CRACR2A: variants seen among roughly 807,000 people sequenced by gnomAD.
CRACR2A encodes the protein calcium release activated channel regulator 2A, also known as EF-hand calcium-binding domain-containing protein 4B.
A neutral mutation model predicts 90.5 loss-of-function variants in CRACR2A; 79 were observed. The ratio of observed to expected loss-of-function variants is 0.87; its 90% CI spans 0.73 to 1.05. CRACR2A has a LOEUF of 1.05. Ranked by LOEUF, CRACR2A falls within the 50% of genes least tolerant of loss-of-function variation. The pLI is 0.00. For synonymous variants in CRACR2A, 338 were observed against 356.7 expected (o/e 0.95, Z 0.59); for missense variants, 823 against 897.2 (o/e 0.92, Z 1.06).
At chr12:3,724,223 C>A (rs541303425) in intron 2 of CRACR2A, among the ~76,000 whole-genome samples, 1 of 152,184 alleles carries the variant, frequency 6.6e-6, no homozygotes, top group South Asian at 2.1e-4. Flanking sequence ...TTGGCCCTTT[C>A]TGAGTTCACT....
rs1867698044 is a variant in CRACR2A at position 3,616,996 on chromosome 12, T to G, written c.2069A>C (p.Tyr690Ser). The G allele has an allele frequency of 1.9e-5, 29 of 1,551,462 alleles. No homozygotes were observed. In the East Asian group the frequency reaches 6.8e-4, roughly 37 times the overall value. Residue 690 changes from tyrosine (Y) to serine (S), a missense_variant, in exon 19 of 20, where the codon TAC (tyrosine) becomes TCC (serine). By Grantham distance (144) the Tyr-to-Ser change is moderately radical (BLOSUM62 -2). Transcript: ENST00000440314. ...NNLIFYECSA[Y>S]SGHNTKESLL... ...GGACTCTTTGGTGTTGTGACCAGAG[T>G]AGGCGCTGCATTCATAGAAGATCAG...
At chr12:3,701,964 T>C (rs1945841615) in intron 3 of CRACR2A, among the ~76,000 whole-genome samples, 1 of 152,154 alleles carries the variant, frequency 6.6e-6, no homozygotes, top group Non-Finnish European at 1.5e-5. Context: ...AAGATGATAA[T>C]CCTGACCAAC....
rs1946633454 is a variant in CRACR2A at position 3,746,737 on chromosome 12, G to C, written c.-387+6278C>G. Among the ~76,000 whole-genome samples, 1 of 152,222 alleles carries C rather than the reference G, an allele frequency of 6.6e-6. No homozygotes were observed. Among genetic ancestry groups the C allele is most frequent in the African/African-American group, 2.4e-5 (1 of 41,454 alleles). On this transcript the variant is annotated intron_variant, in intron 1 of 19. Coordinates refer to ENST00000440314, the MANE Select transcript of CRACR2A (RefSeq NM_001144958.2). This position sits in a 1 kb window ranked among gnomAD's most constrained non-coding sequence, Gnocchi z 4.4. The stretch of plus-strand genomic sequence containing the variant: ...CTTAGCATGCATGGAAGCTAATTAG[G>C]TGAGAGACTCTGCTTCTGCCTCCTG...
At chr12:3,727,573 C>A (rs192064722) in intron 2 of CRACR2A, 17 of 152,240 alleles carry the variant, frequency 1.1e-4, no homozygotes, top group Admixed American at 1.1e-3. Flanking sequence ...CTGATCTAGA[C>A]AGAATGCATG....
rs1184112362 is a variant in CRACR2A at position 3,641,790 on chromosome 12, T to C, written c.1213A>G (p.Lys405Glu). 1 of 1,551,740 alleles carries C rather than the reference T, an allele frequency of 6.4e-7. No individual in the cohort carries two copies. The highest frequency in any genetic ancestry group is 8.7e-7 in the Non-Finnish European group (1 of 1,146,982). Reference protein sequence around the residue: ...ANTAASRASWKKRSGSVIGKY... With the variant: ...ANTAASRASWEKRSGSVIGKY... ...CCTATCACAGAGCCAGATCTCTTTT[T>C]CCAACTTGCCCTGGAAGCAGCTGTG... The change falls in exon 13 of 20, where the codon AAA becomes GAA. Residue 405 changes from lysine (K) to glutamate (E), a missense_variant. By Grantham distance (56) the Lys-to-Glu change is moderately conservative. Coordinates refer to ENST00000440314, the MANE Select transcript of CRACR2A (RefSeq NM_001144958.2).
intron 4 of CRACR2A, 99 bp from the exon 5 acceptor site, chr12:3,680,448 C>A: frequency 1.7e-5 from 16 of 939,382 alleles, no homozygotes; most frequent in Non-Finnish European, 2.5e-5. Flanking sequence ...GTCTAGAGTT[C>A]GGCCCAGTCC....
intron 6 of CRACR2A, among the ~76,000 whole-genome samples, chr12:3,674,440 G>GA (rs1164315330): frequency 1.3e-5 from 2 of 152,204 alleles, no homozygotes; most frequent in East Asian, 1.9e-4. Context: ...ACACATGGTG[G>GA]ACCCTGTTCT....
At chr12:3,701,802 T>C (rs564425712) in intron 3 of CRACR2A, among the ~76,000 whole-genome samples, 8 of 152,220 alleles carry the variant, frequency 5.3e-5, no homozygotes, top group South Asian at 2.1e-4. Context: ...GACTAGGAAA[T>C]ACTTCCTAAC....
intron 4 of CRACR2A, among the ~76,000 whole-genome samples, chr12:3,687,856 A>AT (rs1304403448): frequency 1.3e-5 from 2 of 152,100 alleles, no homozygotes; most frequent in Admixed American, 6.6e-5. Context: ...AGCACCTGTT[A>AT]TTTTTTGGCT....
chr12:3,722,843 T>C (rs910795481), intron 2 of CRACR2A, among the ~76,000 whole-genome samples: 3 of 152,210 alleles, frequency 2.0e-5, no homozygotes, highest in Non-Finnish European at 2.9e-5. Context: ...TCAATTTCCC[T>C]AGCCTAAACA....
rs950815991 is a variant in CRACR2A, at chr12:3,740,452, G to A, written c.-386-7242C>T. Among the ~76,000 whole-genome samples, 6 of 152,032 alleles carry A rather than the reference G, an allele frequency of 3.9e-5. No homozygotes were observed. In the East Asian group the frequency reaches 7.7e-4, roughly 20 times the overall value. On this transcript the variant is annotated intron_variant, in intron 1 of 19. Transcript: ENST00000440314. ...ACGTCCTGGGGTGGCGTCCTTACTC[G>A]GCATTTGCAACTTACATGTCCTTGG...
At chr12:3,636,010 A>G (rs532652386) in intron 14 of CRACR2A, among the ~76,000 whole-genome samples, 41 of 152,360 alleles carry the variant, frequency 2.7e-4, no homozygotes, top group Admixed American at 6.5e-4. Context: ...TACTTTTAAC[A>G]GCCGTATAAT....
At chr12:3,673,411 T>C (rs1445201058) in intron 7 of CRACR2A, 35 bp downstream of exon 7, 4 of 1,591,988 alleles carry the variant, frequency 2.5e-6, no homozygotes, top group Admixed American at 1.8e-5. Context: ...TTTTCACACA[T>C]AGTTACAGAA....
At chr12:3,650,684 G>A (rs1487195844) in intron 10 of CRACR2A, among the ~76,000 whole-genome samples, 1 of 152,106 alleles carries the variant, frequency 6.6e-6, no homozygotes, top group Non-Finnish European at 1.5e-5. Flanking sequence ...GGAGCTCACA[G>A]CTTTTTCCTC....
chr12:3,647,133 C>T (rs1944701413), intron 11 of CRACR2A, among the ~76,000 whole-genome samples: 1 of 152,118 alleles, frequency 6.6e-6, no homozygotes, highest in Non-Finnish European at 1.5e-5. Context: ...CGTCACACCC[C>T]AGCTGTTGTC....
intron 3 of CRACR2A, among the ~76,000 whole-genome samples, chr12:3,710,804 AAG>A (rs3047124): frequency 0.22 from 31,316 of 145,090 alleles, 3,399 homozygotes; most frequent in Admixed American, 0.26. Flanking sequence ...AAAAAAAAAA[AAG>A]AAAGAAAGAA....
chr12:3,683,416 T>C (rs571111960), intron 4 of CRACR2A, among the ~76,000 whole-genome samples: 1 of 152,196 alleles, frequency 6.6e-6, no homozygotes, highest in Non-Finnish European at 1.5e-5. Context: ...CCTGGAAGGG[T>C]GGGCCAGGGA....
intron 7 of CRACR2A, among the ~76,000 whole-genome samples, chr12:3,669,361 T>C (rs1945201151): frequency 6.6e-6 from 1 of 152,176 alleles, no homozygotes; most frequent in African/African-American, 2.4e-5. Flanking sequence ...AAATTCCCAA[T>C]TCTAAGTTCT....
At chr12:3,632,911 G>A (rs555633433) in intron 15 of CRACR2A, among the ~76,000 whole-genome samples, 3 of 152,300 alleles carry the variant, frequency 2.0e-5, no homozygotes, top group Non-Finnish European at 2.9e-5. Flanking sequence ...AAGCTGAAAG[G>A]TCCATATGCC....
Sources: gnomAD v4.1 joint callset for allele counts (sites outside exome capture counted in the v4.1 genomes callset) on GRCh38, gnomAD v4.1.1 for gene constraint, Gnocchi (gnomAD v3.1) non-coding constraint, MANE v1.5 for transcripts, NCBI Gene and HGNC (gene_info 2026-07-23, HGNC 2026-07-21) for gene names.